The following RNLS variants were observed in gnomAD, a reference collection of about 807,000 sequenced individuals.
RNLS encodes the protein renalase, FAD dependent amine oxidase, also known as renalase.
A neutral mutation model predicts 39.8 loss-of-function variants in RNLS; 39 were observed. The observed-to-expected ratio is 0.98, with a 90% CI of 0.76 to 1.28. The LOEUF is 1.28. RNLS is among the 50% of genes most tolerant of loss of function. RNLS has a pLI of 0.00. For missense variants in RNLS, 410 were observed against 413.3 expected (o/e 0.99, Z 0.07); for synonymous variants, 147 against 150.7 (o/e 0.98, Z 0.18).
chr10:88,481,744 C>T (rs1226450940), intron 4 of RNLS, among the ~76,000 whole-genome samples: 1 of 152,034 alleles, frequency 6.6e-6, no homozygotes, highest in African/African-American at 2.4e-5. Context: ...AATACAGAGC[C>T]TTTTATATTA....
intron 5 of RNLS, among the ~76,000 whole-genome samples, chr10:88,320,973 G>A (rs182941328): frequency 1.3e-5 from 2 of 151,128 alleles, no homozygotes; most frequent in African/African-American, 4.9e-5. Context: ...ACAGAACACT[G>A]CATCCAACAA....
At chr10:88,229,708 C>T in the RNLS span, among the ~76,000 whole-genome samples, 2 of 152,188 alleles carry the variant, frequency 1.3e-5, no homozygotes, top group African/African-American at 2.4e-5. Context: ...CATTAATACA[C>T]TTTCTGTCCA....
chr10:88,561,310 C>G (rs1187673623), intron 4 of RNLS, among the ~76,000 whole-genome samples: 1 of 152,022 alleles, frequency 6.6e-6, no homozygotes, highest in Admixed American at 6.6e-5. Context: ...TGACTTAAAA[C>G]CACAAATTGA....
chr10:88,353,521 T>C (rs538915318), intron 5 of RNLS, among the ~76,000 whole-genome samples: 3 of 152,350 alleles, frequency 2.0e-5, no homozygotes, highest in East Asian at 3.9e-4. Flanking sequence ...TTGAGCAGTT[T>C]TGAGTGAGTT....
intron 4 of RNLS, among the ~76,000 whole-genome samples, chr10:88,380,341 T>G (rs541686394): frequency 2.6e-5 from 4 of 151,624 alleles, no homozygotes; most frequent in Admixed American, 6.6e-5. Flanking sequence ...TGTTTTCATT[T>G]TTTAGTCTTG....
the RNLS span, among the ~76,000 whole-genome samples, chr10:88,190,066 G>A: frequency 6.6e-6 from 1 of 152,166 alleles, no homozygotes; most frequent in African/African-American, 2.4e-5. Context: ...TCTGCCCTGG[G>A]ATCAACCCTG....
chr10:88,504,842 AGAGTGTGTGTGT>A (rs1845699369), intron 4 of RNLS, among the ~76,000 whole-genome samples: 1 of 106,770 alleles, frequency 9.4e-6, no homozygotes, highest in Non-Finnish European at 1.8e-5. Context: ...AGAGAGAGAC[AGAGTGTGTGTGT>A]GTGTGTGTGT....
intron 4 of RNLS, among the ~76,000 whole-genome samples, chr10:88,387,020 T>A (rs1038715104): frequency 9.9e-5 from 15 of 152,192 alleles, no homozygotes; most frequent in African/African-American, 3.6e-4. Context: ...CCAAAACACA[T>A]AAACAGAACT....
intron 4 of RNLS, among the ~76,000 whole-genome samples, chr10:88,374,335 T>C (rs1850795797): frequency 6.6e-6 from 1 of 152,120 alleles, no homozygotes; most frequent in African/African-American, 2.4e-5. Context: ...TAACAAGGTA[T>C]CTGTTTTTAC....
In RNLS at chr10:88,581,722, A is replaced by G. The variant is rs1230322358; in HGVS notation, c.225-13T>C. The G allele has an allele frequency of 1.3e-6, 2 of 1,529,554 alleles. No homozygotes were observed. The highest frequency in any genetic ancestry group is 2.6e-5 in the South Asian group (2 of 77,852). The allele number at this position is 1,529,554 out of a possible 1,614,324, so 94.7% of individuals were successfully genotyped here. On this transcript the variant is annotated splice_polypyrimidine_tract_variant and intron_variant, in intron 2 of 6. Coordinates refer to ENST00000331772, the MANE Select transcript of RNLS (RefSeq NM_001031709.3). ...TTCATCATAAAAACTGAAATAAATCAATATGTATATTTAATGTAATTATAT... is the reference window on the plus strand; with the variant it reads ...TTCATCATAAAAACTGAAATAAATCGATATGTATATTTAATGTAATTATAT...
In RNLS at chr10:88,540,065, C is replaced by T. The variant is rs182331007; in HGVS notation, c.526+32838G>A. On this transcript the variant is annotated intron_variant, in intron 4 of 6. Coordinates refer to ENST00000331772, the MANE Select transcript of RNLS (RefSeq NM_001031709.3). ...GTATCTCAAATAATTCTCTGGTTTT[C>T]GAAATGTATGTATTTTCTATTTTGT... 6.2e-4 allele frequency among the ~76,000 whole-genome samples: 95 copies of T among 152,148 alleles called. 1 individual carries two copies. Among genetic ancestry groups the T allele is most frequent in the Non-Finnish European group, 1.1e-3 (75 of 67,962 alleles).
intron 6 of RNLS, among the ~76,000 whole-genome samples, chr10:88,295,721 T>C (rs533874715): frequency 6.6e-6 from 1 of 152,186 alleles, no homozygotes; most frequent in Non-Finnish European, 1.5e-5. Flanking sequence ...ATTGGGTAGA[T>C]GCAGGCAGAA....
intron 3 of RNLS, among the ~76,000 whole-genome samples, chr10:88,580,938 T>A (rs1230289908): frequency 6.6e-6 from 1 of 152,122 alleles, no homozygotes. Context: ...AATGCAAATA[T>A]CGTTTGACAT....
At chr10:88,341,058 C>CAAAAAAAA (rs58277887) in intron 5 of RNLS, among the ~76,000 whole-genome samples, 1 of 128,480 alleles carries the variant, frequency 7.8e-6, no homozygotes, top group Non-Finnish European at 1.6e-5. Context: ...GATTCTGTCT[C>CAAAAAAAA]AAAAAAAAAA....
At chr10:88,211,482 T>C in the RNLS span, among the ~76,000 whole-genome samples, 1 of 152,178 alleles carries the variant, frequency 6.6e-6, no homozygotes, top group African/African-American at 2.4e-5. Flanking sequence ...CAGGGTGTGC[T>C]GTAATAGAAC....
intron 5 of RNLS, among the ~76,000 whole-genome samples, chr10:88,327,255 A>C (rs1030690256): frequency 3.9e-5 from 6 of 152,158 alleles, no homozygotes; most frequent in African/African-American, 1.4e-4. Flanking sequence ...CAGGGATGGA[A>C]TGATATAATT....
chr10:88,414,201 A>G (rs902604977), intron 4 of RNLS, among the ~76,000 whole-genome samples: 2 of 151,896 alleles, frequency 1.3e-5, no homozygotes, highest in Non-Finnish European at 2.9e-5. Flanking sequence ...TTGCAAGAGT[A>G]TAATAAAAAC....
At chr10:88,526,052 G>C (rs1437912146) in intron 4 of RNLS, among the ~76,000 whole-genome samples, 2 of 152,034 alleles carry the variant, frequency 1.3e-5, no homozygotes, top group African/African-American at 2.4e-5. Flanking sequence ...CAGCAAAGCT[G>C]CAACTTAACT....
At chr10:88,238,780 TA>T in the RNLS span, among the ~76,000 whole-genome samples, 7 of 152,322 alleles carry the variant, frequency 4.6e-5, no homozygotes, top group African/African-American at 1.7e-4. Flanking sequence ...TATTTGGAAA[TA>T]TTTTTTCTGC....
Sources: allele counts gnomAD v4.1 joint callset (sites outside exome capture counted in the v4.1 genomes callset), GRCh38; gene constraint gnomAD v4.1.1; transcripts MANE v1.5; gene names NCBI Gene and HGNC (gene_info 2026-07-23, HGNC 2026-07-21).